Variants in TMTC2 observed in about 807,000 individuals in gnomAD.
TMTC2 encodes the protein protein O-mannosyl-transferase TMTC2.
TMTC2 carries 43 observed loss-of-function variants against 82.4 expected under a neutral mutation model. The ratio of observed to expected loss-of-function variants is 0.52; its 90% confidence interval spans 0.41 to 0.67. The LOEUF (loss-of-function observed/expected upper bound fraction) is 0.67. Ranked by LOEUF, TMTC2 falls within the 30% of genes least tolerant of loss-of-function variation. The pLI, the probability that TMTC2 is intolerant of heterozygous loss-of-function variation, is 0.00. For missense variants in TMTC2, 919 were observed against 1,012.4 expected, an observed-to-expected ratio of 0.91 and a Z score of 1.25; for synonymous variants, 408 against 381.9, an observed-to-expected ratio of 1.07 and a Z score of -0.80.
chr12:82,691,841 G>A lies in TMTC2; in HGVS notation c.83+4172G>A, dbSNP rs1872591980. On this transcript the variant is annotated intron_variant, in intron 1 of 11. Coordinates refer to ENST00000321196, the MANE Select transcript of TMTC2 (RefSeq NM_152588.3). ...AGGGAGAAGCTCTCTTTGTATCAGT[G>A]GTTGTCTTATCAAGTGATTATTATA... Among the ~76,000 whole-genome samples the A allele has an allele frequency of 2.0e-5, 3 of 152,148 alleles. No homozygotes were observed. In the South Asian group the frequency reaches 6.2e-4, roughly 32 times the overall value.
At chr12:83,086,543 G>A (rs546693288) in intron 11 of TMTC2, among the ~76,000 whole-genome samples, 46 of 152,234 alleles carry the variant, frequency 3.0e-4, no homozygotes, top group African/African-American at 1.1e-3. Context: ...TTCCTCATCT[G>A]TCCAGTGAGG....
chr12:83,123,784 A>C (rs1256183423), intron 11 of TMTC2, among the ~76,000 whole-genome samples: 1 of 152,204 alleles, frequency 6.6e-6, no homozygotes, highest in East Asian at 1.9e-4. Context: ...TTTTGATGCT[A>C]CCCACCAATT....
At chr12:82,924,657 G>T (rs1875595423) in intron 3 of TMTC2, among the ~76,000 whole-genome samples, 1 of 152,138 alleles carries the variant, frequency 6.6e-6, no homozygotes, top group Non-Finnish European at 1.5e-5. Context: ...TAATTTCTAA[G>T]TTGTTTTCTC....
chr12:82,896,975 G>C (rs1276437075), intron 3 of TMTC2, among the ~76,000 whole-genome samples: 2 of 152,078 alleles, frequency 1.3e-5, no homozygotes, highest in African/African-American at 4.8e-5. Context: ...AATACTGATA[G>C]GTACAGCTCT....
intron 8 of TMTC2, among the ~76,000 whole-genome samples, chr12:82,986,894 G>A (rs7960659): frequency 0.77 from 117,204 of 152,100 alleles, 46,280 homozygotes; most frequent in East Asian, 0.96. Context: ...TAGACAATAG[G>A]TGATAGAACT....
At chr12:83,028,684 C>T (rs2137418745) in intron 8 of TMTC2, among the ~76,000 whole-genome samples, 1 of 152,188 alleles carries the variant, frequency 6.6e-6, no homozygotes, top group South Asian at 2.1e-4. Context: ...CCAAGGGTCA[C>T]ATAGCTAAAC....
chr12:82,738,268 C>A (rs1422820417), intron 1 of TMTC2, among the ~76,000 whole-genome samples: 1 of 152,200 alleles, frequency 6.6e-6, no homozygotes, highest in South Asian at 2.1e-4. Flanking sequence ...AAAAGTGCAT[C>A]TATCTTTACT....
At chr12:83,099,215 C>T (rs1884132198) in intron 11 of TMTC2, among the ~76,000 whole-genome samples, 1 of 152,166 alleles carries the variant, frequency 6.6e-6, no homozygotes, top group Non-Finnish European at 1.5e-5. Context: ...GAGCTCCTAA[C>T]TTCTTGATTA....
intron 11 of TMTC2, among the ~76,000 whole-genome samples, chr12:83,107,776 C>CA (rs1373978997): frequency 6.6e-6 from 1 of 151,866 alleles, no homozygotes; most frequent in Non-Finnish European, 1.5e-5. Context: ...TTATGACCCC[C>CA]CGTGCCCACA....
In TMTC2 at chr12:83,133,150, A is replaced by G. The variant is rs922403248; in HGVS notation, c.*761A>G. On this transcript the variant is annotated 3_prime_UTR_variant, in exon 12 of 12. Coordinates refer to ENST00000321196, the MANE Select transcript of TMTC2 (RefSeq NM_152588.3). ...CATTTTTTAAATTTTAATATCGTCA[A>G]TATTTTCCCCCAAACTGCCCAGTAG... The G allele has an allele frequency of 4.6e-5, 7 of 152,164 alleles. No individual in the cohort carries two copies. The highest frequency in any genetic ancestry group is 1.4e-4 in the African/African-American group (6 of 41,438). 9.4% of individuals were successfully genotyped at this position (152,164 alleles called of 1,614,324 possible). A position where few individuals can be genotyped will look rare whatever the true frequency, so the allele number is the denominator to read the frequency against.
At chr12:83,043,676 C>T (rs909187719) in intron 9 of TMTC2, among the ~76,000 whole-genome samples, 5 of 152,150 alleles carry the variant, frequency 3.3e-5, no homozygotes, top group African/African-American at 1.2e-4. Context: ...CTGTAATCTC[C>T]TCTCTCCTCT....
At chr12:82,850,311 A>C (rs1592572891) in intron 1 of TMTC2, among the ~76,000 whole-genome samples, 1 of 152,146 alleles carries the variant, frequency 6.6e-6, no homozygotes, top group East Asian at 1.9e-4. Flanking sequence ...AGCTTTAGAG[A>C]GGCTAATTCG....
chr12:82,965,062 C>G lies in TMTC2; in HGVS notation c.1637C>G (p.Ala546Gly). 1 of 1,612,544 alleles carries G rather than the reference C, an allele frequency of 6.2e-7. No homozygotes were observed. The highest frequency in any genetic ancestry group is 8.5e-7 in the Non-Finnish European group (1 of 1,179,020). ...LLQENSRFAE[A>G]LHYYKLAIGS... The stretch of plus-strand genomic sequence containing the variant: ...CAGGAGAACAGCAGGTTTGCAGAAG[C>G]ACTACATTATTATAAATTGGCCATT... The change falls in exon 5 of 12, where the codon GCA becomes GGA. Residue 546 changes from alanine to glycine, a missense_variant. Ala to Gly is a moderately conservative substitution (Grantham distance 60, BLOSUM62 0). Transcript: ENST00000321196.
chr12:82,735,563 T>A (rs1297313467), intron 1 of TMTC2, among the ~76,000 whole-genome samples: 1 of 151,852 alleles, frequency 6.6e-6, no homozygotes, highest in African/African-American at 2.4e-5. Flanking sequence ...GCCAGGATGG[T>A]CTCGATCTCC....
intron 11 of TMTC2, among the ~76,000 whole-genome samples, chr12:83,115,976 C>T (rs564925778): frequency 1.3e-5 from 2 of 152,140 alleles, no homozygotes; most frequent in African/African-American, 2.4e-5. Context: ...TTAGTAGAAA[C>T]GGGCTTTCAA....
intron 3 of TMTC2, among the ~76,000 whole-genome samples, chr12:82,924,823 C>T (rs1166428223): frequency 6.6e-6 from 1 of 152,144 alleles, no homozygotes; most frequent in Non-Finnish European, 1.5e-5. Context: ...TCAAGAGTGA[C>T]ATTTCGAAAA....
intron 1 of TMTC2, among the ~76,000 whole-genome samples, chr12:82,802,225 G>A (rs1879043913): frequency 6.6e-6 from 1 of 152,162 alleles, no homozygotes; most frequent in Non-Finnish European, 1.5e-5. Context: ...TCAGGTCCTA[G>A]GCTCCTCACT....
intron 9 of TMTC2, among the ~76,000 whole-genome samples, chr12:83,033,864 A>ATGCGTATATATATATATGTG (rs1881553328): frequency 1.4e-5 from 2 of 143,010 alleles, no homozygotes; most frequent in African/African-American, 5.4e-5. Flanking sequence ...ATATATGTGT[A>ATGCGTATATATATATATGTG]TGTGTATATA....
At chr12:83,032,150 G>T (rs1295702775) in intron 9 of TMTC2, among the ~76,000 whole-genome samples, 1 of 151,276 alleles carries the variant, frequency 6.6e-6, no homozygotes, top group Non-Finnish European at 1.5e-5. Context: ...TTATAAAATA[G>T]GAGGTTTTTT....
Sources: gnomAD v4.1 joint callset for allele counts (sites outside exome capture counted in the v4.1 genomes callset) on GRCh38, gnomAD v4.1.1 for gene constraint, MANE v1.5 for transcripts, NCBI Gene and HGNC (gene_info 2026-07-23, HGNC 2026-07-21) for gene names.